Variants in OR52B4 observed in about 807,000 individuals in gnomAD.
OR52B4 encodes olfactory receptor 52B4.
For synonymous variants in OR52B4, 182 were observed against 142.3 expected (o/e 1.28, Z -1.98); for missense variants, 450 against 387.0 (o/e 1.16, Z -1.36).
rs750727991 is a variant in OR52B4, at chr11:4,367,342, A to G, written c.*9T>C. The G allele has an allele frequency of 6.3e-7, 1 of 1,578,992 alleles. No individual in the cohort carries two copies. The highest frequency in any genetic ancestry group is 1.1e-5 in the South Asian group (1 of 88,760). On this transcript the variant is annotated 3_prime_UTR_variant, in exon 1 of 1. Coordinates refer to ENST00000624801, the MANE Select transcript of OR52B4 (RefSeq NM_001005161.3). ...TAGAGATTCTGAAAACTCAGTTCTT[A>G]AACCAAAGTTATTTCTGTTTTATAA...
rs757442373 is a variant in OR52B4 at position 4,368,025 on chromosome 11, C to T, written c.271G>A (p.Ala91Thr). The T allele has an allele frequency of 1.1e-5, 18 of 1,614,004 alleles. No homozygotes were observed. The South Asian group carries it at 2.0e-4, about 18-fold the overall frequency. ...CAACGATCCAGGGAGATGTCCCCAG[C>T]ACGGAACCAGAAGATAGCTAAGGCC... ...PQALAIFWFR[A>T]GDISLDRCIT... Residue 91 changes from alanine to threonine, a missense_variant, in exon 1 of 1, where the codon GCT (alanine) becomes ACT (threonine). By Grantham distance (58) the Ala-to-Thr change is moderately conservative. Coordinates refer to ENST00000624801, the MANE Select transcript of OR52B4 (RefSeq NM_001005161.3).
chr11:4,367,558 A>T lies in OR52B4; in HGVS notation c.738T>A (p.His246Gln). ...CATAAAAGAGGATGATGATGCAGAC[A>T]TGGGAGCCAAATGTGTTGAGAGCTT... ...CHKALNTFGS[H>Q]VCIIILFYGS... Residue 246 changes from histidine (H) to glutamine (Q), a missense_variant, in exon 1 of 1, where the codon CAT (histidine) becomes CAA (glutamine). His to Gln is a conservative substitution (Grantham distance 24). Transcript: ENST00000624801. 2.5e-6 allele frequency: 4 copies of T among 1,614,068 alleles called. No individual in the cohort carries two copies. Among genetic ancestry groups the T allele is most frequent in the Non-Finnish European group, 3.4e-6 (4 of 1,179,928 alleles).
In OR52B4 at chr11:4,367,791, T is replaced by C. The variant is rs556442434; in HGVS notation, c.505A>G (p.Thr169Ala). The change falls in exon 1 of 1, where the codon ACT becomes GCT. Residue 169 changes from threonine (T) to alanine (A), a missense_variant. Thr to Ala is a moderately conservative substitution (Grantham distance 58, BLOSUM62 0). Coordinates refer to ENST00000624801, the MANE Select transcript of OR52B4 (RefSeq NM_001005161.3). ...FPIIFLLKRLTFCQNNIIPHT... is the reference protein window; with the variant it reads ...FPIIFLLKRLAFCQNNIIPHT... ...GGAATAATATTATTCTGGCAGAAAG[T>C]CAATCTTTTTAAAAGAAATATGATA... 4.2e-5 allele frequency: 68 copies of C among 1,613,934 alleles called. No homozygotes were observed. In the South Asian group the frequency reaches 5.9e-4, roughly 14 times the overall value.
At position 4,367,970 on chromosome 11, in the gene OR52B4, G is replaced by T. The variant is rs770950433; in HGVS notation, c.326C>A (p.Thr109Asn). ...CAAGATCCCTGACTCAGAGATGAAG[G>T]TGGAATGGATGAAGAAGAGCTGAGT... ...CITQLFFIHS[T>N]FISESGILLV... Residue 109 changes from threonine to asparagine, a missense_variant, in exon 1 of 1, where the codon ACC (threonine) becomes AAC (asparagine). Thr to Asn is a moderately conservative substitution (Grantham distance 65). Coordinates refer to ENST00000624801, the MANE Select transcript of OR52B4 (RefSeq NM_001005161.3). 4.3e-6 allele frequency: 7 copies of T among 1,613,968 alleles called. No individual in the cohort carries two copies. Among genetic ancestry groups the T allele is most frequent in the Non-Finnish European group, 1.7e-6 (2 of 1,179,982 alleles).
In OR52B4 at chr11:4,368,030, A is replaced by T; in HGVS notation, c.266T>A (p.Phe89Tyr). ...ATCCAGGGAGATGTCCCCAGCACGG[A>T]ACCAGAAGATAGCTAAGGCCTGAGG... is the stretch of plus-strand genomic sequence containing the variant. ...TIPQALAIFW[F>Y]RAGDISLDRC... Residue 89 changes from phenylalanine to tyrosine, a missense_variant, in exon 1 of 1, where the codon TTC (phenylalanine) becomes TAC (tyrosine). Transcript: ENST00000624801. The T allele has an allele frequency of 4.3e-6, 7 of 1,614,076 alleles. No individual in the cohort carries two copies. The highest frequency in any genetic ancestry group is 5.9e-6 in the Non-Finnish European group (7 of 1,179,998).
rs1425060154 is a variant in OR52B4, at chr11:4,367,442, G to A, written c.854C>T (p.Ala285Val). The change falls in exon 1 of 1, where the codon GCT (alanine) becomes GTT (valine). Residue 285 changes from alanine to valine, a missense_variant. By Grantham distance (64) the Ala-to-Val change is moderately conservative (BLOSUM62 0). Transcript: ENST00000624801. ...AATAATGGGATTCAGCATAGGTGGA[G>A]CCAGAATGCAGACATTAGCCAACGG... ...HIPLANVCIL[A>V]PPMLNPIIYG... 2 of 1,613,816 alleles carry A rather than the reference G, an allele frequency of 1.2e-6. No homozygotes were observed. Among genetic ancestry groups the A allele is most frequent in the South Asian group, 1.1e-5 (1 of 91,064 alleles).
Position 4,367,483 on chromosome 11 carries a change from T to C in OR52B4, c.813A>G (p.Pro271=). The part of the protein sequence containing the change: ...ILTQRFGRHI[P]PCIHIPLANV... ...TAGCCAACGGGATGTGGATACAAGG[T>C]GGAATGTGGCGTCCAAACCTCTGGG... is the stretch of plus-strand genomic sequence containing the variant. The change falls in exon 1 of 1, where the codon CCA becomes CCG. Residue 271 remains proline (P), a synonymous_variant. Transcript: ENST00000624801. 6.2e-7 allele frequency: 1 copy of C among 1,613,856 alleles called. No individual in the cohort carries two copies.
At position 4,368,275 on chromosome 11, in the gene OR52B4, AC is replaced by A; in HGVS notation, c.20del (p.Ser7MetfsTer78). Reference sequence around the variant, plus strand: ...AGTGGAAGACTGTGTGGCTAGTGCCACTGTGGTTTACAGTAGGCATAGCTGG... The same window carrying A: ...AGTGGAAGACTGTGTGGCTAGTGCCATGTGGTTTACAGTAGGCATAGCTGG... MPTVNH[S>X]GTSHTVFHLL... On this transcript the variant is annotated frameshift_variant, in exon 1 of 1. Coordinates refer to ENST00000624801, the MANE Select transcript of OR52B4 (RefSeq NM_001005161.3). LOFTEE classifies it low-confidence loss of function (END_TRUNC). 1 of 1,610,022 alleles carries A rather than the reference AC, an allele frequency of 6.2e-7. No homozygotes were observed. Among genetic ancestry groups the A allele is most frequent in the Non-Finnish European group, 8.5e-7 (1 of 1,177,116 alleles).
At position 4,367,599 on chromosome 11, in the gene OR52B4, G is replaced by A. The variant is rs751631995; in HGVS notation, c.697C>T (p.Pro233Ser). 1 of 1,614,034 alleles carries A rather than the reference G, an allele frequency of 6.2e-7. No individual in the cohort carries two copies. The highest frequency in any genetic ancestry group is 1.7e-5 in the Admixed American group (1 of 60,018). The change falls in exon 1 of 1, where the codon CCA (proline) becomes TCA (serine). Residue 233 changes from proline (P) to serine (S), a missense_variant. Transcript: ENST00000624801. ...TTGAGAGCTTTGTGGCAAGCATCTG[G>A]AGAAGGCATGTGGAAGACAGCATGG... ...ILHAVFHMPS[P>S]DACHKALNTF...
In OR52B4 at chr11:4,367,300, C is replaced by T; in HGVS notation, c.*51G>A. 8.4e-7 allele frequency: 1 copy of T among 1,195,016 alleles called. No homozygotes were observed. The highest frequency in any genetic ancestry group is 1.4e-5 in the South Asian group (1 of 71,154). 74.0% of individuals were successfully genotyped at this position (1,195,016 alleles called of 1,614,324 possible). Reference sequence around the variant, plus strand: ...ACCTCTCCCATCTACCACTTTCATACCCACTTACCAGATAGCTAGAGATTC... The same window carrying T: ...ACCTCTCCCATCTACCACTTTCATATCCACTTACCAGATAGCTAGAGATTC... On this transcript the variant is annotated 3_prime_UTR_variant, in exon 1 of 1. Transcript: ENST00000624801.
Position 4,367,711 on chromosome 11 carries a change from T to A in OR52B4, c.585A>T (p.Arg195=), listed in dbSNP as rs2094936368. The change falls in exon 1 of 1, where the codon CGA becomes CGT. Residue 195 remains arginine (R), a synonymous_variant. Transcript: ENST00000624801. ...GLAKYACNDI[R]INIWYGFSIL... ...TGGAAAACCCATACCAAATGTTTAT[T>A]CGAATGTCATTACATGCATATTTGG... 1 of 1,613,874 alleles carries A rather than the reference T, an allele frequency of 6.2e-7. No homozygotes were observed. Among genetic ancestry groups the A allele is most frequent in the Non-Finnish European group, 8.5e-7 (1 of 1,179,810 alleles).
chr11:4,367,542 G>GGAT lies in OR52B4; in HGVS notation c.751_753dup (p.Ile251dup), dbSNP rs2133040839. ...GTGAAGATGCCAGACCCATAAAAGAGGATGATGATGCAGACATGGGAGCCA... is the reference window on the plus strand; with the variant it reads ...GTGAAGATGCCAGACCCATAAAAGAGGATGATGATGATGCAGACATGGGAGCCA... On this transcript the variant is annotated inframe_insertion, in exon 1 of 1. Coordinates refer to ENST00000624801, the MANE Select transcript of OR52B4 (RefSeq NM_001005161.3). 6.2e-7 allele frequency: 1 copy of GGAT among 1,614,022 alleles called. No individual in the cohort carries two copies.
rs1177356720 is a variant in OR52B4, at chr11:4,367,503, T to C, written c.793A>G (p.Arg265Gly). 6.2e-7 allele frequency: 1 copy of C among 1,614,036 alleles called. No homozygotes were observed. Among genetic ancestry groups the C allele is most frequent in the Non-Finnish European group, 8.5e-7 (1 of 1,179,974 alleles). ...GSGIFTILTQRFGRHIPPCIH... is the reference protein window; with the variant it reads ...GSGIFTILTQGFGRHIPPCIH... ...CAAGGTGGAATGTGGCGTCCAAACC[T>C]CTGGGTAAGGATTGTGAAGATGCCA... The change falls in exon 1 of 1, where the codon AGG becomes GGG. Residue 265 changes from arginine (R) to glycine (G), a missense_variant. Physicochemically the swap from Arg to Gly is moderately radical, Grantham distance 125. Coordinates refer to ENST00000624801, the MANE Select transcript of OR52B4 (RefSeq NM_001005161.3).
rs757594301 is a variant in OR52B4, at chr11:4,367,823, A to G, written c.473T>C (p.Ile158Thr). 6.2e-7 allele frequency: 1 copy of G among 1,613,838 alleles called. No individual in the cohort carries two copies. Among genetic ancestry groups the G allele is most frequent in the South Asian group, 1.1e-5 (1 of 91,080 alleles). ...TTTTAAAAGAAATATGATAGGGAAA[A>G]TTGTACCATAACTTCTCAGAGAGAC... ...VTVSLRSYGT[I>T]FPIIFLLKRL... Residue 158 changes from isoleucine (I) to threonine (T), a missense_variant, in exon 1 of 1, where the codon ATT (isoleucine) becomes ACT (threonine). Coordinates refer to ENST00000624801, the MANE Select transcript of OR52B4 (RefSeq NM_001005161.3).
chr11:4,367,999 G>T lies in OR52B4; in HGVS notation c.297C>A (p.Cys99Ter), dbSNP rs1481952727. The change falls in exon 1 of 1, where the codon TGC becomes TGA. Residue 99 changes from cysteine to a stop codon, truncating the protein, a stop_gained. Coordinates refer to ENST00000624801, the MANE Select transcript of OR52B4 (RefSeq NM_001005161.3). LOFTEE classifies it low-confidence loss of function (END_TRUNC). ...FRAGDISLDR[C>*]ITQLFFIHST... ...AATGGATGAAGAAGAGCTGAGTGAT[G>T]CAACGATCCAGGGAGATGTCCCCAG... is the stretch of plus-strand genomic sequence containing the variant. The T allele has an allele frequency of 1.2e-6, 2 of 1,614,026 alleles. No individual in the cohort carries two copies. Among genetic ancestry groups the T allele is most frequent in the East Asian group, 4.5e-5 (2 of 44,866 alleles).
At position 4,367,786 on chromosome 11, in the gene OR52B4, G is replaced by T. The variant is rs1401111830; in HGVS notation, c.510C>A (p.Phe170Leu). The T allele has an allele frequency of 1.2e-6, 2 of 1,613,782 alleles. No individual in the cohort carries two copies. Among genetic ancestry groups the T allele is most frequent in the African/African-American group, 1.3e-5 (1 of 74,934 alleles). The change falls in exon 1 of 1, where the codon TTC becomes TTA. Residue 170 changes from phenylalanine to leucine, a missense_variant. By Grantham distance (22) the Phe-to-Leu change is conservative (BLOSUM62 0). Coordinates refer to ENST00000624801, the MANE Select transcript of OR52B4 (RefSeq NM_001005161.3). Reference protein sequence around the residue: ...PIIFLLKRLTFCQNNIIPHTF... With the variant: ...PIIFLLKRLTLCQNNIIPHTF... ...TGTGTGGAATAATATTATTCTGGCA[G>T]AAAGTCAATCTTTTTAAAAGAAATA...
Position 4,367,676 on chromosome 11 carries a change from G to A in OR52B4, c.620C>T (p.Ser207Leu), listed in dbSNP as rs1340411145. ...TAGTACAACATCTAAGACCACCGTC[G>A]ACATTAGAATGGAAAACCCATACCA... ...NIWYGFSILM[S>L]TVVLDVVLIF... The change falls in exon 1 of 1, where the codon TCG becomes TTG. Residue 207 changes from serine to leucine, a missense_variant. Transcript: ENST00000624801. 6.2e-7 allele frequency: 1 copy of A among 1,613,826 alleles called. No individual in the cohort carries two copies. The highest frequency in any genetic ancestry group is 8.5e-7 in the Non-Finnish European group (1 of 1,179,832).
At position 4,368,181 on chromosome 11, in the gene OR52B4, T is replaced by C; in HGVS notation, c.115A>G (p.Thr39Ala). ...ISIPFFISYV[T>A]ALLGNSLLIF... ...AGCAGGCTGTTCCCAAGAAGGGCGG[T>C]GACATAGGAAATGAAGAATGGGATA... The change falls in exon 1 of 1, where the codon ACC (threonine) becomes GCC (alanine). Residue 39 changes from threonine (T) to alanine (A), a missense_variant. Physicochemically the swap from Thr to Ala is moderately conservative, Grantham distance 58. Transcript: ENST00000624801. 6.2e-7 allele frequency: 1 copy of C among 1,613,570 alleles called. No homozygotes were observed. Among genetic ancestry groups the C allele is most frequent in the Non-Finnish European group, 8.5e-7 (1 of 1,179,808 alleles).
In OR52B4 at chr11:4,367,411, C is replaced by T. The variant is rs1345761086; in HGVS notation, c.885G>A (p.Gly295=). ...GTTCCTGGATTTGCTTGGTTTTGAT[C>T]CCATAAATAATGGGATTCAGCATAG... ...APPMLNPIIY[G]IKTKQIQEQV... Residue 295 remains glycine (G), a synonymous_variant, in exon 1 of 1, where the codon GGG becomes GGA. Transcript: ENST00000624801. 1 of 1,613,398 alleles carries T rather than the reference C, an allele frequency of 6.2e-7. No individual in the cohort carries two copies. The highest frequency in any genetic ancestry group is 8.5e-7 in the Non-Finnish European group (1 of 1,179,636).
Sources: allele counts gnomAD v4.1 joint callset, GRCh38; gene constraint gnomAD v4.1.1; transcripts MANE v1.5; gene names NCBI Gene and HGNC (gene_info 2026-07-23, HGNC 2026-07-21).